The following MGAT5 variants were observed in gnomAD, a reference collection of about 807,000 sequenced individuals.
The protein encoded by MGAT5 is alpha-1,6-mannosylglycoprotein 6-beta-N-acetylglucosaminyltransferase.
MGAT5 carries 30 observed loss-of-function variants against 94.3 expected under a neutral mutation model. That is an observed-to-expected ratio of 0.32 (90% CI 0.24 to 0.43). The LOEUF (loss-of-function observed/expected upper bound fraction) is 0.43, where lower values mean the gene tolerates loss of function less well. Among genes scored for constraint, MGAT5 ranks in the 20% least tolerant of loss-of-function variants. The pLI, the probability that MGAT5 is intolerant of heterozygous loss-of-function variation, is 1.00. For synonymous variants in MGAT5, 310 were observed against 322.9 expected, an observed-to-expected ratio of 0.96 and a Z score of 0.43; for missense variants, 691 against 905.5, an observed-to-expected ratio of 0.76 and a Z score of 3.04.
intron 1 of MGAT5, among the ~76,000 whole-genome samples, chr2:134,166,050 A>T (rs1420327217): frequency 6.6e-6 from 1 of 152,196 alleles, no homozygotes; most frequent in Non-Finnish European, 1.5e-5. Flanking sequence ...ATTAAGGGGA[A>T]TAGGATTGGC....
At chr2:134,217,238 G>GTGTGTGTGTGTGTGTGTGTGT (rs1553495170) in intron 1 of MGAT5, among the ~76,000 whole-genome samples, 3 of 145,114 alleles carry the variant, frequency 2.1e-5, no homozygotes, top group African/African-American at 7.8e-5. Context: ...GAGAGAGAGT[G>GTGTGTGTGTGTGTGTGTGTGT]GTGTGTGTGT....
chr2:134,279,544 G>A (rs890517049), intron 2 of MGAT5, among the ~76,000 whole-genome samples: 14 of 152,204 alleles, frequency 9.2e-5, no homozygotes, highest in African/African-American at 3.1e-4. Flanking sequence ...GTTTCATTTC[G>A]AAAAGTGAGA....
chr2:134,245,741 G>A (rs1347099826), intron 1 of MGAT5, among the ~76,000 whole-genome samples: 1 of 152,210 alleles, frequency 6.6e-6, no homozygotes, highest in African/African-American at 2.4e-5. Flanking sequence ...GGAATAGAGA[G>A]GGCAGGAAGA....
intron 1 of MGAT5, among the ~76,000 whole-genome samples, 171 bp downstream of exon 1, chr2:134,254,815 T>C (rs1009463234): frequency 2.0e-5 from 3 of 152,204 alleles, no homozygotes; most frequent in Admixed American, 6.5e-5. Context: ...AATGCCATTT[T>C]GGGGGTTCTG....
At chr2:134,177,362 C>A (rs1366987138) in intron 1 of MGAT5, among the ~76,000 whole-genome samples, 1 of 152,054 alleles carries the variant, frequency 6.6e-6, no homozygotes, top group Admixed American at 6.6e-5. Context: ...AGCCCACAGG[C>A]CTGGGGGGAT....
At chr2:134,125,180 T>C (rs1228973002) in intron 1 of MGAT5, among the ~76,000 whole-genome samples, 1 of 152,236 alleles carries the variant, frequency 6.6e-6, no homozygotes, top group Non-Finnish European at 1.5e-5. Flanking sequence ...ATTGGCATTA[T>C]TGCAAATGCT....
rs903751973 is a variant in MGAT5 at position 134,330,824 on chromosome 2, T to C, written c.574-5393T>C. Among the ~76,000 whole-genome samples, 7 of 152,232 alleles carry C rather than the reference T, an allele frequency of 4.6e-5. 1 individual carries two copies. In the South Asian group the frequency reaches 1.5e-3, roughly 32 times the overall value. ...AAAATACAGCATGAAATCCTGTGTG[T>C]TGGTGACCCATTAGAACAGAATACT... On this transcript the variant is annotated intron_variant, in intron 4 of 15. Coordinates refer to ENST00000281923, the MANE Select transcript of MGAT5 (RefSeq NM_002410.5).
intron 12 of MGAT5, among the ~76,000 whole-genome samples, chr2:134,420,413 G>A (rs1327617347): frequency 1.3e-5 from 2 of 152,200 alleles, no homozygotes; most frequent in African/African-American, 2.4e-5. Flanking sequence ...AGAAGGGCGG[G>A]AAACTGAAGA....
chr2:134,357,877 G>A (rs1323328403), intron 9 of MGAT5, among the ~76,000 whole-genome samples: 38 of 147,724 alleles, frequency 2.6e-4, no homozygotes, highest in Non-Finnish European at 1.9e-4. Context: ...CCACCATTTG[G>A]AAAAAAAAAA....
chr2:134,276,993 C>T (rs1267601765), intron 2 of MGAT5, among the ~76,000 whole-genome samples: 1 of 152,106 alleles, frequency 6.6e-6, no homozygotes, highest in Non-Finnish European at 1.5e-5. Context: ...GGAAACAACC[C>T]AGCAGAGAGA....
intron 1 of MGAT5, among the ~76,000 whole-genome samples, chr2:134,241,467 G>A (rs1432993676): frequency 6.6e-6 from 1 of 152,100 alleles, no homozygotes; most frequent in Non-Finnish European, 1.5e-5. Flanking sequence ...ATATGCATTT[G>A]GTCCCCACAC....
chr2:134,401,223 C>G (rs1246882041), intron 10 of MGAT5, among the ~76,000 whole-genome samples: 1 of 152,158 alleles, frequency 6.6e-6, no homozygotes, highest in Admixed American at 6.5e-5. Flanking sequence ...CTTTTCCCAA[C>G]CCACCCGCCA....
chr2:134,237,123 A>ATGTGTATGTATGTGTGTGTGTGTGTGTG (rs367744090), intron 1 of MGAT5, among the ~76,000 whole-genome samples: 29 of 140,718 alleles, frequency 2.1e-4, no homozygotes, highest in East Asian at 1.0e-3. Context: ...GAAGGAGTAT[A>ATGTGTATGTATGTGTGTGTGTGTGTGTG]TGTGTGTGTG....
intron 10 of MGAT5, among the ~76,000 whole-genome samples, chr2:134,391,241 A>G (rs1015955632): frequency 6.6e-6 from 1 of 152,090 alleles, no homozygotes; most frequent in Non-Finnish European, 1.5e-5. Flanking sequence ...TGAGGAAACC[A>G]TCCAAAAGAG....
chr2:134,185,477 A>T (rs1688961905), intron 1 of MGAT5, among the ~76,000 whole-genome samples: 1 of 152,186 alleles, frequency 6.6e-6, no homozygotes, highest in Non-Finnish European at 1.5e-5. Context: ...GGTTATGTAA[A>T]GGCAGTGTTA....
chr2:134,250,192 T>G (rs1282308582), upstream of MGAT5, among the ~76,000 whole-genome samples: 1 of 152,208 alleles, frequency 6.6e-6, no homozygotes, highest in African/African-American at 2.4e-5. Flanking sequence ...GGGATGCATA[T>G]TGAGGTGGCT....
chr2:134,409,888 A>T (rs1039021521), intron 11 of MGAT5, among the ~76,000 whole-genome samples: 2 of 152,294 alleles, frequency 1.3e-5, no homozygotes, highest in East Asian at 3.9e-4. Flanking sequence ...TCTGCTTAGC[A>T]TTAGTTCAGA....
chr2:134,336,152 G>A, intron 4 of MGAT5, 65 bp from the exon 5 acceptor site: 4 of 1,329,848 alleles, frequency 3.0e-6, no homozygotes, highest in Non-Finnish European at 4.3e-6. Flanking sequence ...TGTTCTCGGT[G>A]CTTTTTATGT....
chr2:134,240,048 T>C (rs1257183), intron 1 of MGAT5, among the ~76,000 whole-genome samples: 1 of 151,922 alleles, frequency 6.6e-6, no homozygotes, highest in African/African-American at 2.4e-5. Context: ...ATTCTTGATA[T>C]GAAGATGAAA....
Sources: allele counts gnomAD v4.1 joint callset (sites outside exome capture counted in the v4.1 genomes callset), GRCh38; gene constraint gnomAD v4.1.1; transcripts MANE v1.5; gene names NCBI Gene and HGNC (gene_info 2026-07-23, HGNC 2026-07-21).